ARSB: variants seen among roughly 807,000 people sequenced by gnomAD.
ARSB encodes arylsulfatase B.
ARSB carries 41 observed loss-of-function variants against 50.9 expected under a neutral mutation model. The ratio of observed to expected loss-of-function variants is 0.81; its 90% CI spans 0.63 to 1.04. The LOEUF (loss-of-function observed/expected upper bound fraction) is 1.04. Among genes scored for constraint, ARSB ranks in the 50% least tolerant of loss-of-function variants. The probability of loss-of-function intolerance (pLI) is 0.00; values close to 1 mark genes in which losing one functional copy is unlikely to be tolerated. For synonymous variants in ARSB, 269 were observed against 284.8 expected, an observed-to-expected ratio of 0.94 and a Z score of 0.56; for missense variants, 672 against 693.3, an observed-to-expected ratio of 0.97 and a Z score of 0.35.
chr5:78,782,639 C>T (rs1210692779), intron 6 of ARSB, among the ~76,000 whole-genome samples: 1 of 152,142 alleles, frequency 6.6e-6, no homozygotes, highest in African/African-American at 2.4e-5. Flanking sequence ...GGAGCAATTA[C>T]TAATCTCTAC....
intron 6 of ARSB, among the ~76,000 whole-genome samples, chr5:78,809,695 T>G (rs1743735697): frequency 6.6e-6 from 1 of 152,216 alleles, no homozygotes; most frequent in Admixed American, 6.5e-5. Flanking sequence ...CTGCTCACAC[T>G]CACTGCCAGT....
At chr5:78,853,377 C>T (rs1235645460) in intron 5 of ARSB, among the ~76,000 whole-genome samples, 3 of 152,160 alleles carry the variant, frequency 2.0e-5, no homozygotes, top group African/African-American at 2.4e-5. Context: ...AGCGGATTTT[C>T]GTGAACCATG....
chr5:78,982,647 T>TA (rs1228021756), intron 1 of ARSB, among the ~76,000 whole-genome samples: 1 of 152,228 alleles, frequency 6.6e-6, no homozygotes, highest in Non-Finnish European at 1.5e-5. Flanking sequence ...ACAGAGATGA[T>TA]AGAGTTGTTG....
chr5:78,874,927 A>T (rs1747417235), intron 5 of ARSB, among the ~76,000 whole-genome samples: 1 of 151,938 alleles, frequency 6.6e-6, no homozygotes, highest in African/African-American at 2.4e-5. Flanking sequence ...GAGGCAACAT[A>T]GTGAGACCCT....
chr5:78,902,511 T>C (rs1748854695), intron 4 of ARSB, among the ~76,000 whole-genome samples: 1 of 152,168 alleles, frequency 6.6e-6, no homozygotes, highest in African/African-American at 2.4e-5. Flanking sequence ...CAAATATCCA[T>C]TAACTGATTA....
At chr5:78,827,225 T>A (rs1744472823) in intron 6 of ARSB, among the ~76,000 whole-genome samples, 1 of 152,128 alleles carries the variant, frequency 6.6e-6, no homozygotes, top group South Asian at 2.1e-4. Context: ...TGCCTTTTTT[T>A]TGAAATAGAG....
intron 3 of ARSB, among the ~76,000 whole-genome samples, chr5:78,958,730 A>G (rs939553731): frequency 6.6e-6 from 1 of 151,568 alleles, no homozygotes; most frequent in Non-Finnish European, 1.5e-5. Flanking sequence ...TTCTGTAAAT[A>G]ACTAGGAAAG....
At chr5:78,958,244 G>T (rs1751822824) in intron 3 of ARSB, among the ~76,000 whole-genome samples, 1 of 152,100 alleles carries the variant, frequency 6.6e-6, no homozygotes, top group African/African-American at 2.4e-5. Flanking sequence ...GGGGGCAGGG[G>T]ATACAGTGGG....
intron 6 of ARSB, among the ~76,000 whole-genome samples, chr5:78,794,494 C>A (rs755748661): frequency 6.6e-6 from 1 of 151,478 alleles, no homozygotes; most frequent in Non-Finnish European, 1.5e-5. Flanking sequence ...GAAATAGGAG[C>A]CTAAAGAATC....
chr5:78,854,625 G>T (rs1333297142), intron 5 of ARSB, among the ~76,000 whole-genome samples: 1 of 149,120 alleles, frequency 6.7e-6, no homozygotes, highest in African/African-American at 2.4e-5. Context: ...CAGTAACAAG[G>T]TTTTCTCTTG....
At position 78,918,651 on chromosome 5, in the gene ARSB, A is replaced by G. The variant is rs565823136; in HGVS notation, c.899-32824T>C. Among the ~76,000 whole-genome samples the G allele has an allele frequency of 5.9e-5, 9 of 152,342 alleles. No homozygotes were observed. The South Asian group carries it at 1.9e-3, about 32-fold the overall frequency. ...TTAGAAACTTTCAAGACCTCTTCTT[A>G]ATGCCTGATTTTCTAAAATGTTAGA... is the stretch of plus-strand genomic sequence containing the variant. On this transcript the variant is annotated intron_variant, in intron 4 of 7. Coordinates refer to ENST00000264914, the MANE Select transcript of ARSB (RefSeq NM_000046.5).
chr5:78,980,401 G>A lies in ARSB; in HGVS notation c.312+4536C>T, dbSNP rs554771711. Among the ~76,000 whole-genome samples, 9 of 152,266 alleles carry A rather than the reference G, an allele frequency of 5.9e-5. No individual in the cohort carries two copies. The South Asian group carries it at 1.9e-3, about 32-fold the overall frequency. ...CCAATATGTACAAAATGACATATGT[G>A]CAAAGTATTCACTTCACCATTCTTT... is the stretch of plus-strand genomic sequence containing the variant. On this transcript the variant is annotated intron_variant, in intron 1 of 7. Transcript: ENST00000264914.
intron 5 of ARSB, among the ~76,000 whole-genome samples, chr5:78,850,482 T>G (rs1304023347): frequency 6.6e-6 from 1 of 151,544 alleles, no homozygotes; most frequent in Non-Finnish European, 1.5e-5. Context: ...TGAGGATTTT[T>G]GCATCAATGT....
chr5:78,818,097 A>G (rs1339930735), intron 6 of ARSB, among the ~76,000 whole-genome samples: 1 of 151,760 alleles, frequency 6.6e-6, no homozygotes, highest in Non-Finnish European at 1.5e-5. Context: ...GCAGTGAACC[A>G]AGATCACACC....
rs1580098392 is a variant in ARSB at position 78,941,852 on chromosome 5, G to C, written c.898+13443C>G. ...CTATTGATTGGAATAGTTTCAGAAGGAATGGTACCAGTTCCTCCTTGTACC... is the reference window on the plus strand; with the variant it reads ...CTATTGATTGGAATAGTTTCAGAAGCAATGGTACCAGTTCCTCCTTGTACC... On this transcript the variant is annotated intron_variant, in intron 4 of 7. Coordinates refer to ENST00000264914, the MANE Select transcript of ARSB (RefSeq NM_000046.5). Among the ~76,000 whole-genome samples the C allele has an allele frequency of 1.3e-5, 2 of 152,178 alleles. 1 individual carries two copies. The highest frequency in any genetic ancestry group is 4.1e-4 in the South Asian group (2 of 4,830).
chr5:78,976,632 G>A (rs1365698878), intron 1 of ARSB, among the ~76,000 whole-genome samples: 1 of 152,192 alleles, frequency 6.6e-6, no homozygotes, highest in Non-Finnish European at 1.5e-5. Context: ...TAAAGAAAAA[G>A]AGAGAATATG....
rs1748876864 is a variant in ARSB, at chr5:78,779,981, T to C, written c.*416A>G. The C allele has an allele frequency of 3.7e-6, 1 of 269,374 alleles. No homozygotes were observed. Among genetic ancestry groups the C allele is most frequent in the Non-Finnish European group, 7.3e-6 (1 of 137,556 alleles). 16.7% of individuals were successfully genotyped at this position (269,374 alleles called of 1,614,324 possible). A position where few individuals can be genotyped will look rare whatever the true frequency, so the allele number is the denominator to read the frequency against. On this transcript the variant is annotated 3_prime_UTR_variant, in exon 8 of 8. Transcript: ENST00000264914. ...CTTGGCCAACAGAACCATTAATCAC[T>C]GTCTGCTCCCTTCATTTGCGTAAGA...
At position 78,810,652 on chromosome 5, in the gene ARSB, A is replaced by G. The variant is rs184795381; in HGVS notation, c.1214-28678T>C. Among the ~76,000 whole-genome samples the G allele has an allele frequency of 7.9e-5, 12 of 152,286 alleles. No homozygotes were observed. The East Asian group carries it at 2.3e-3, about 29-fold the overall frequency. On this transcript the variant is annotated intron_variant, in intron 6 of 7. Transcript: ENST00000264914. The stretch of plus-strand genomic sequence containing the variant: ...TTGAATTAGCATTGAATGGCTTTTG[A>G]GTTTTTATTTAGGATGCATTTTAAG...
intron 5 of ARSB, chr5:78,883,927 A>G (rs1216847319): frequency 6.6e-6 from 1 of 152,242 alleles, no homozygotes; most frequent in African/African-American, 2.4e-5. Flanking sequence ...TTGATAATAT[A>G]AAAAGATAAG....
Sources: allele counts gnomAD v4.1 joint callset (sites outside exome capture counted in the v4.1 genomes callset), GRCh38; gene constraint gnomAD v4.1.1; transcripts MANE v1.5; gene names NCBI Gene and HGNC (gene_info 2026-07-23, HGNC 2026-07-21).